Variants in GSG1L observed in about 807,000 individuals in gnomAD.
The protein encoded by GSG1L is GSG1 like.
In GSG1L, 24 loss-of-function variants were observed where a neutral mutation model predicts 42.1. That is an observed-to-expected ratio of 0.57 (90% confidence interval 0.41 to 0.80). The LOEUF (loss-of-function observed/expected upper bound fraction) is 0.80, where lower values mean the gene tolerates loss of function less well. Among genes scored for constraint, GSG1L ranks in the 30% least tolerant of loss-of-function variants. GSG1L has a pLI of 0.00. For synonymous variants in GSG1L, 215 were observed against 203.5 expected, an observed-to-expected ratio of 1.06 and a Z score of -0.48; for missense variants, 445 against 472.2, an observed-to-expected ratio of 0.94 and a Z score of 0.53.
chr16:27,840,719 T>A (rs976313565), intron 4 of GSG1L, among the ~76,000 whole-genome samples: 1 of 152,110 alleles, frequency 6.6e-6, no homozygotes, highest in African/African-American at 2.4e-5. Flanking sequence ...TGACACTGTG[T>A]GATTTCTGAG....
chr16:27,807,517 A>T lies in GSG1L; in HGVS notation c.868T>A (p.Leu290Ile). The T allele has an allele frequency of 6.2e-7, 1 of 1,613,210 alleles. No homozygotes were observed. The highest frequency in any genetic ancestry group is 8.5e-7 in the Non-Finnish European group (1 of 1,179,968). The change falls in exon 6 of 7, where the codon TTA becomes ATA. Residue 290 changes from leucine (L) to isoleucine (I), a missense_variant. Physicochemically the swap from Leu to Ile is conservative, Grantham distance 5 (BLOSUM62 2). This residue lies in a region of GSG1L where 140 missense variants were observed against 120.6 expected (regional missense o/e 1.16). Transcript: ENST00000447459. ...KRDGSEEDFHLDCRHERYPAR... is the reference protein window; with the variant it reads ...KRDGSEEDFHIDCRHERYPAR... ...GGGTATCTCTCGTGGCGGCAGTCTA[A>T]GTGAAAGTCCTCCTCGCTCCCGTCC...
chr16:28,032,480 C>T (rs191175276), intron 1 of GSG1L, among the ~76,000 whole-genome samples: 27 of 152,352 alleles, frequency 1.8e-4, no homozygotes, highest in Non-Finnish European at 3.4e-4. Context: ...CTCAGCCCAT[C>T]CTGGGGCTGG....
chr16:27,904,634 C>A (rs191746321), intron 2 of GSG1L, among the ~76,000 whole-genome samples: 13 of 152,208 alleles, frequency 8.5e-5, no homozygotes, highest in African/African-American at 3.1e-4. Context: ...GTGACCTGGC[C>A]CCTGCCCACC....
chr16:27,978,690 CAAAAA>C (rs11409403), intron 1 of GSG1L, among the ~76,000 whole-genome samples: 1 of 90,124 alleles, frequency 1.1e-5, no homozygotes, highest in Admixed American at 1.3e-4. Flanking sequence ...GACTCCATCT[CAAAAA>C]AAAAAAAAAA....
chr16:27,864,748 C>T (rs1238565668), intron 3 of GSG1L, among the ~76,000 whole-genome samples: 16 of 152,220 alleles, frequency 1.1e-4, no homozygotes, highest in Admixed American at 9.2e-4. Flanking sequence ...CTCGTGTGAA[C>T]TCTCAGGAAA....
intron 2 of GSG1L, among the ~76,000 whole-genome samples, chr16:27,889,270 G>A (rs891546366): frequency 2.0e-5 from 3 of 152,124 alleles, no homozygotes; most frequent in South Asian, 2.1e-4. Context: ...AATTATAGGT[G>A]TGCCCAGCCG....
chr16:27,947,400 GAA>G (rs2084887719), intron 2 of GSG1L, among the ~76,000 whole-genome samples: 1 of 139,112 alleles, frequency 7.2e-6, no homozygotes, highest in Non-Finnish European at 1.5e-5. Flanking sequence ...AAGAAAGAAA[GAA>G]AGAAAGAAAG....
intron 4 of GSG1L, among the ~76,000 whole-genome samples, chr16:27,843,087 C>T (rs139841083): frequency 2.0e-4 from 31 of 152,328 alleles, no homozygotes; most frequent in African/African-American, 7.0e-4. Flanking sequence ...ACTGCTGCAT[C>T]CCGAGCACCT....
chr16:28,035,609 T>C (rs908473183), intron 1 of GSG1L, among the ~76,000 whole-genome samples: 3 of 151,682 alleles, frequency 2.0e-5, no homozygotes, highest in Admixed American at 6.6e-5. Context: ...ATCATGATAA[T>C]AGCCCCGACC....
chr16:27,957,516 T>A (rs1051822537), intron 2 of GSG1L, among the ~76,000 whole-genome samples: 3 of 152,200 alleles, frequency 2.0e-5, no homozygotes, highest in African/African-American at 7.2e-5. Flanking sequence ...CCAGTGGTAC[T>A]CCAGTGCTGG....
chr16:27,913,109 C>G (rs966590163), intron 2 of GSG1L, among the ~76,000 whole-genome samples: 3 of 152,082 alleles, frequency 2.0e-5, no homozygotes, highest in Non-Finnish European at 4.4e-5. Context: ...AGGTGTAAGC[C>G]ACCACGCCTG....
At chr16:28,002,721 G>A (rs1012542391) in intron 1 of GSG1L, among the ~76,000 whole-genome samples, 14 of 151,794 alleles carry the variant, frequency 9.2e-5, no homozygotes, top group African/African-American at 3.4e-4. Flanking sequence ...AGAAGGTCAG[G>A]AGATCAAGAC....
chr16:27,829,027 A>G, intron 4 of GSG1L, 71 bp from the exon 5 acceptor site: 1 of 1,439,202 alleles, frequency 6.9e-7, no homozygotes, highest in Non-Finnish European at 9.6e-7. Flanking sequence ...CACACCCACC[A>G]AACATTCATT....
intron 3 of GSG1L, among the ~76,000 whole-genome samples, chr16:27,858,768 A>C (rs757501395): frequency 3.9e-5 from 6 of 152,378 alleles, no homozygotes; most frequent in Non-Finnish European, 7.3e-5. Context: ...AGCCTGGGCA[A>C]CATAGTGAGA....
chr16:28,061,673 G>A (rs1459932841), intron 1 of GSG1L, among the ~76,000 whole-genome samples: 1 of 152,214 alleles, frequency 6.6e-6, no homozygotes, highest in Admixed American at 6.5e-5. Context: ...CTATAAGCTA[G>A]TGACCAAAAA....
chr16:27,805,711 A>C, intron 6 of GSG1L, among the ~76,000 whole-genome samples: 1 of 1,362 alleles, frequency 7.3e-4, no homozygotes, highest in African/African-American at 4.0e-3. Context: ...GGCTGTGGGC[A>C]CTGGGATTGG....
chr16:27,803,162 T>C (rs1280777573), intron 6 of GSG1L, among the ~76,000 whole-genome samples: 2 of 151,734 alleles, frequency 1.3e-5, no homozygotes, highest in African/African-American at 2.4e-5. Context: ...TCTCCCCCGG[T>C]CCTCACTCAA....
chr16:27,826,168 G>C (rs959002278), intron 5 of GSG1L, among the ~76,000 whole-genome samples: 8 of 152,182 alleles, frequency 5.3e-5, no homozygotes, highest in African/African-American at 1.7e-4. Context: ...CCCAAGGTGG[G>C]GACGCACTTG....
intron 3 of GSG1L, among the ~76,000 whole-genome samples, chr16:27,848,721 C>T (rs1003808179): frequency 2.0e-5 from 3 of 152,054 alleles, no homozygotes; most frequent in African/African-American, 7.2e-5. Context: ...AGGTGGGGGG[C>T]ACTTCAGCCT....
Sources: gnomAD v4.1 joint callset for allele counts (sites outside exome capture counted in the v4.1 genomes callset) on GRCh38, gnomAD v4.1.1 for gene constraint, gnomAD v4.1.1 regional missense constraint, MANE v1.5 for transcripts, NCBI Gene and HGNC (gene_info 2026-07-23, HGNC 2026-07-21) for gene names.